The following ASAP2 variants were observed in gnomAD, a reference collection of about 807,000 sequenced individuals.
ASAP2 encodes the protein ArfGAP with SH3 domain, ankyrin repeat and PH domain 2, also known as arf-GAP with SH3 domain, ANK repeat and PH domain-containing protein 2.
In ASAP2, 45 loss-of-function variants were observed where a neutral mutation model predicts 131.4. That is an observed-to-expected ratio of 0.34 (90% CI 0.27 to 0.44). ASAP2 has a LOEUF of 0.44. ASAP2 is among the 20% of genes least tolerant of loss of function. The pLI is 1.00. For synonymous variants in ASAP2, 510 were observed against 503.0 expected (o/e 1.01, Z -0.19); for missense variants, 1,011 against 1,297.0 (o/e 0.78, Z 3.39).
chr2:9,266,069 G>C (rs1024464553), intron 1 of ASAP2, among the ~76,000 whole-genome samples: 2 of 151,856 alleles, frequency 1.3e-5, no homozygotes, highest in Non-Finnish European at 2.9e-5. Flanking sequence ...ACAGGTGTGA[G>C]CCACCACACC....
chr2:9,312,576 A>T (rs902168218), intron 3 of ASAP2, among the ~76,000 whole-genome samples: 1 of 152,150 alleles, frequency 6.6e-6, no homozygotes, highest in Non-Finnish European at 1.5e-5. Flanking sequence ...TGGAAGTTCC[A>T]TGATGTCTCA....
At chr2:9,374,639 A>T in intron 16 of ASAP2, 116 bp from the exon 17 acceptor site, 1 of 992,984 alleles carries the variant, frequency 1.0e-6, no homozygotes, top group South Asian at 1.7e-5. Flanking sequence ...TTTCGGGGCC[A>T]GCGGTGCTTA....
At chr2:9,253,320 C>T (rs1664857302) in intron 1 of ASAP2, among the ~76,000 whole-genome samples, 1 of 152,076 alleles carries the variant, frequency 6.6e-6, no homozygotes, top group Non-Finnish European at 1.5e-5. Context: ...CCCGCCACCA[C>T]ACCTGGCTAA....
chr2:9,212,591 G>A (rs1661652512), intron 1 of ASAP2, among the ~76,000 whole-genome samples: 2 of 145,288 alleles, frequency 1.4e-5, no homozygotes, highest in Non-Finnish European at 2.9e-5. Flanking sequence ...AATTTGGGGT[G>A]ATCCTCAATT....
chr2:9,307,794 C>T (rs1281748612), intron 3 of ASAP2, among the ~76,000 whole-genome samples: 1 of 152,204 alleles, frequency 6.6e-6, no homozygotes, highest in African/African-American at 2.4e-5. Context: ...TTTGATCTTT[C>T]AGTTTGTGTT....
At chr2:9,226,619 A>G (rs922552442) in intron 1 of ASAP2, among the ~76,000 whole-genome samples, 1 of 152,208 alleles carries the variant, frequency 6.6e-6, no homozygotes, top group African/African-American at 2.4e-5. Context: ...TGGCCTCTGC[A>G]CAAAGGTCCT....
At chr2:9,334,928 T>C (rs1671100009) in intron 8 of ASAP2, 115 bp downstream of exon 8, 2 of 1,367,478 alleles carry the variant, frequency 1.5e-6, no homozygotes, top group Admixed American at 1.8e-5. Context: ...CCACGTGGAG[T>C]GTGGCGTTCC....
chr2:9,282,312 A>T (rs1667179545), intron 2 of ASAP2, among the ~76,000 whole-genome samples: 1 of 152,186 alleles, frequency 6.6e-6, no homozygotes, highest in Admixed American at 6.5e-5. Flanking sequence ...CCAGAGCCTG[A>T]TCCTGAAATC....
chr2:9,264,860 C>A (rs1665834488), intron 1 of ASAP2, among the ~76,000 whole-genome samples: 1 of 152,154 alleles, frequency 6.6e-6, no homozygotes, highest in African/African-American at 2.4e-5. Flanking sequence ...AAATTTTGGC[C>A]AGACACAATG....
intron 2 of ASAP2, among the ~76,000 whole-genome samples, chr2:9,282,817 A>G (rs1191792227): frequency 6.6e-6 from 1 of 152,104 alleles, no homozygotes; most frequent in South Asian, 2.1e-4. Context: ...TGCTTTCCTG[A>G]TTTGTCACAG....
At chr2:9,258,563 C>T (rs935028942) in intron 1 of ASAP2, among the ~76,000 whole-genome samples, 10 of 152,086 alleles carry the variant, frequency 6.6e-5, no homozygotes, top group Admixed American at 1.3e-4. Flanking sequence ...ATGGTGCCCC[C>T]GCCGCCACAC....
At chr2:9,252,250 T>C (rs1664760920) in intron 1 of ASAP2, among the ~76,000 whole-genome samples, 1 of 152,150 alleles carries the variant, frequency 6.6e-6, no homozygotes, top group Admixed American at 6.5e-5. Context: ...CTGAGAGTAA[T>C]TGATGAACCA....
rs1666078904 is a variant in ASAP2, at chr2:9,268,274, T to G, written c.127-11043T>G. On this transcript the variant is annotated intron_variant, in intron 1 of 27. Transcript: ENST00000281419. The surrounding 1 kb of genome is among the most constrained non-coding windows in gnomAD (Gnocchi z 4.1). ...CGGTTTATCCAGTTGGGGGCTGTTTTGAGGAGTGTTAGGACAGCCTGTCCA... is the reference window on the plus strand; with the variant it reads ...CGGTTTATCCAGTTGGGGGCTGTTTGGAGGAGTGTTAGGACAGCCTGTCCA... Among the ~76,000 whole-genome samples, 1 of 152,238 alleles carries G rather than the reference T, an allele frequency of 6.6e-6. No individual in the cohort carries two copies. Among genetic ancestry groups the G allele is most frequent in the Non-Finnish European group, 1.5e-5 (1 of 68,044 alleles).
At chr2:9,402,884 G>C (rs1413669514) in intron 27 of ASAP2, among the ~76,000 whole-genome samples, 1 of 152,200 alleles carries the variant, frequency 6.6e-6, no homozygotes, top group Non-Finnish European at 1.5e-5. Context: ...AGGTGACGTT[G>C]CAGCTCACAA....
At position 9,280,750 on chromosome 2, in the gene ASAP2, C is replaced by T. The variant is rs538602213; in HGVS notation, c.199+1361C>T. ...AAAACTGATACAGAAGGTGGCCATC[C>T]GTCTCTAGCTTTTTTACCTGGATTA... On this transcript the variant is annotated intron_variant, in intron 2 of 27. Transcript: ENST00000281419. 2.0e-5 allele frequency among the ~76,000 whole-genome samples: 3 copies of T among 152,306 alleles called. No individual in the cohort carries two copies. In the East Asian group the frequency reaches 5.8e-4, roughly 29 times the overall value.
chr2:9,298,560 C>T (rs1179638324), intron 3 of ASAP2, among the ~76,000 whole-genome samples: 22 of 152,372 alleles, frequency 1.4e-4, no homozygotes, highest in Non-Finnish European at 1.5e-5. Flanking sequence ...CCTAGAGTGG[C>T]GGCCCACCTG....
chr2:9,317,312 T>A (rs914613296), intron 3 of ASAP2, among the ~76,000 whole-genome samples: 1 of 116,642 alleles, frequency 8.6e-6, no homozygotes, highest in South Asian at 3.7e-4. Context: ...GCCCCCCACA[T>A]CCACTCACAC....
intron 1 of ASAP2, among the ~76,000 whole-genome samples, chr2:9,231,952 C>A (rs1260180698): frequency 1.3e-5 from 2 of 152,180 alleles, no homozygotes; most frequent in Non-Finnish European, 2.9e-5. Flanking sequence ...CCCATCTTGT[C>A]CTGTGAGTGA....
Position 9,241,414 on chromosome 2 carries a change from A to AT in ASAP2, c.126+34185dup, listed in dbSNP as rs142051646. ...TGGTGCGATTATGAGTTCCTTATCC[A>AT]TATCAGGGTTGGGGATGTACATACA... On this transcript the variant is annotated intron_variant, in intron 1 of 27. Coordinates refer to ENST00000281419, the MANE Select transcript of ASAP2 (RefSeq NM_003887.3). Among the ~76,000 whole-genome samples the AT allele has an allele frequency of 6.6e-3, 1,001 of 152,288 alleles. 12 individuals are homozygous for AT. Among genetic ancestry groups the AT allele is most frequent in the African/African-American group, 0.023 (963 of 41,564 alleles).
Sources: allele counts gnomAD v4.1 joint callset (sites outside exome capture counted in the v4.1 genomes callset), GRCh38; gene constraint gnomAD v4.1.1; non-coding constraint Gnocchi (gnomAD v3.1); transcripts MANE v1.5; gene names NCBI Gene and HGNC (gene_info 2026-07-23, HGNC 2026-07-21).